Variants in DAB1 observed in about 807,000 individuals in gnomAD.
DAB1 encodes the protein DAB adaptor protein 1.
DAB1 carries 15 observed loss-of-function variants against 64.6 expected under a neutral mutation model. The ratio of observed to expected loss-of-function variants is 0.23; its 90% CI spans 0.16 to 0.36. The LOEUF is 0.36. Ranked by LOEUF, DAB1 falls within the 10% of genes least tolerant of loss-of-function variation. The pLI, the probability that DAB1 is intolerant of heterozygous loss-of-function variation, is 1.00. For synonymous variants in DAB1, 235 were observed against 251.9 expected, an observed-to-expected ratio of 0.93 and a Z score of 0.64; for missense variants, 596 against 706.7, an observed-to-expected ratio of 0.84 and a Z score of 1.78.
chr1:57,322,905 A>G (rs1675837045), intron 1 of DAB1, among the ~76,000 whole-genome samples: 1 of 152,188 alleles, frequency 6.6e-6, no homozygotes, highest in Admixed American at 6.5e-5. Flanking sequence ...GTGGGGCCCA[A>G]GCAGCAGTCC....
At chr1:57,777,125 G>A (rs1404600181) in intron 6 of DAB1, among the ~76,000 whole-genome samples, 5 of 109,008 alleles carry the variant, frequency 4.6e-5, no homozygotes, top group African/African-American at 1.1e-4. Context: ...AGATTTTTCC[G>A]TTATTTTCTG....
intron 4 of DAB1, among the ~76,000 whole-genome samples, chr1:58,310,185 T>C (rs1041710238): frequency 2.0e-5 from 3 of 152,206 alleles, no homozygotes; most frequent in Non-Finnish European, 4.4e-5. Context: ...TGATTCTTCC[T>C]TGGGCTTATC....
chr1:57,716,257 C>T (rs189957128), intron 6 of DAB1, among the ~76,000 whole-genome samples: 107 of 152,066 alleles, frequency 7.0e-4, no homozygotes, highest in Non-Finnish European at 9.7e-4. Flanking sequence ...AAAATTCATG[C>T]GAAAATGCAA....
chr1:57,786,286 G>A lies in DAB1; in HGVS notation n.551+97713C>T, dbSNP rs1051051576. Among the ~76,000 whole-genome samples, 4 of 152,068 alleles carry A rather than the reference G, an allele frequency of 2.6e-5. No homozygotes were observed. In the South Asian group the frequency reaches 8.3e-4, roughly 32 times the overall value. On this transcript the variant is annotated intron_variant and non_coding_transcript_variant, in intron 6 of 20. Transcript: ENST00000485760. Reference sequence around the variant, plus strand: ...TGAGACATGAACTTCGTTGTGGCCTGGCACTGAACCCACAATACCTCTAAG... The same window carrying A: ...TGAGACATGAACTTCGTTGTGGCCTAGCACTGAACCCACAATACCTCTAAG...
intron 5 of DAB1, among the ~76,000 whole-genome samples, chr1:58,007,056 T>G (rs1330036503): frequency 6.6e-6 from 1 of 152,112 alleles, no homozygotes; most frequent in South Asian, 2.1e-4. Context: ...CTGATAGTGA[T>G]GGAATGCACC....
At chr1:57,637,765 C>CA (rs1646074701) in intron 7 of DAB1, among the ~76,000 whole-genome samples, 1 of 152,142 alleles carries the variant, frequency 6.6e-6, no homozygotes. Context: ...TAATAGGCAT[C>CA]AGAGACATCT....
chr1:57,978,642 G>C (rs936144084), intron 5 of DAB1, among the ~76,000 whole-genome samples: 1 of 152,074 alleles, frequency 6.6e-6, no homozygotes, highest in Non-Finnish European at 1.5e-5. Flanking sequence ...CTACAAAATG[G>C]GAGAAAAATT....
intron 3 of DAB1, among the ~76,000 whole-genome samples, chr1:58,399,413 A>G (rs1194475542): frequency 6.6e-6 from 1 of 152,182 alleles, no homozygotes; most frequent in African/African-American, 2.4e-5. Context: ...TCTTAGGCCA[A>G]ATTGGCTATC....
chr1:57,548,218 AT>A (rs1644876733), intron 7 of DAB1, among the ~76,000 whole-genome samples: 2 of 152,188 alleles, frequency 1.3e-5, no homozygotes, highest in Admixed American at 1.3e-4. Context: ...AACTTTAAAA[AT>A]ATCACCTCAT....
intron 3 of DAB1, among the ~76,000 whole-genome samples, chr1:58,474,187 G>C (rs1040510873): frequency 6.6e-6 from 1 of 152,122 alleles, no homozygotes; most frequent in Non-Finnish European, 1.5e-5. Flanking sequence ...AGCACAATGG[G>C]ATAGGTGCAG....
At chr1:58,228,366 T>TG (rs869217910) in intron 4 of DAB1, among the ~76,000 whole-genome samples, 30 of 152,156 alleles carry the variant, frequency 2.0e-4, no homozygotes, top group South Asian at 4.1e-4. Flanking sequence ...AATTGCTTTT[T>TG]GGGGGGGTAA....
At chr1:57,412,438 G>A (rs546982603) in intron 1 of DAB1, among the ~76,000 whole-genome samples, 81 of 152,348 alleles carry the variant, frequency 5.3e-4, no homozygotes, top group Non-Finnish European at 9.0e-4. Context: ...CAGCCAAGTC[G>A]TGAATGCAAA....
intron 4 of DAB1, among the ~76,000 whole-genome samples, chr1:58,213,769 T>C (rs1489110221): frequency 6.6e-6 from 1 of 152,120 alleles, no homozygotes; most frequent in Non-Finnish European, 1.5e-5. Context: ...GTCTACCACT[T>C]TGTGCTTTCC....
intron 3 of DAB1, among the ~76,000 whole-genome samples, chr1:58,489,413 C>T (rs906029349): frequency 6.6e-6 from 1 of 152,110 alleles, no homozygotes; most frequent in Non-Finnish European, 1.5e-5. Flanking sequence ...CTGCCATTGC[C>T]GAGGCTTGAG....
chr1:58,268,156 T>G, intron 4 of DAB1, among the ~76,000 whole-genome samples: 1 of 152,200 alleles, frequency 6.6e-6, no homozygotes, highest in Non-Finnish European at 1.5e-5. Context: ...ATAAATTTGG[T>G]GATAATATAT....
chr1:57,732,312 G>T (rs1465962032), intron 6 of DAB1, among the ~76,000 whole-genome samples: 3 of 152,202 alleles, frequency 2.0e-5, no homozygotes, highest in Admixed American at 2.0e-4. Flanking sequence ...AGTGGGAAGT[G>T]CTGTGCACTG....
intron 1 of DAB1, among the ~76,000 whole-genome samples, chr1:57,332,665 T>A (rs1213275171): frequency 1.3e-5 from 2 of 152,158 alleles, no homozygotes; most frequent in African/African-American, 2.4e-5. Flanking sequence ...CCAGAAAGTC[T>A]CCAGATTTGA....
rs1267957038 is a variant in DAB1, at chr1:57,369,827, G to T, written c.-137+54103C>A. On this transcript the variant is annotated intron_variant, in intron 1 of 14. Transcript: ENST00000371236. ...AAGAAAGGGTATATATGAGTACAAT[G>T]AAAGTTAAGTGTTATAACGATCATC... Among the ~76,000 whole-genome samples the T allele has an allele frequency of 3.9e-5, 6 of 152,228 alleles. No individual in the cohort carries two copies. In the East Asian group the frequency reaches 9.6e-4, roughly 24 times the overall value.
At chr1:58,096,972 GA>G (rs1651021202) in intron 5 of DAB1, among the ~76,000 whole-genome samples, 1 of 152,242 alleles carries the variant, frequency 6.6e-6, no homozygotes. Context: ...CCTGTCATGT[GA>G]ATCTGCGGCT....
Sources: allele counts gnomAD v4.1 joint callset (sites outside exome capture counted in the v4.1 genomes callset), GRCh38; gene constraint gnomAD v4.1.1; transcripts MANE v1.5; gene names NCBI Gene and HGNC (gene_info 2026-07-23, HGNC 2026-07-21).